Variants in KALRN observed in about 807,000 individuals in gnomAD.
The protein encoded by KALRN is kalirin.
KALRN carries 70 observed loss-of-function variants against 353.7 expected under a neutral mutation model. The ratio of observed to expected loss-of-function variants is 0.20; its 90% CI spans 0.16 to 0.24. The LOEUF (loss-of-function observed/expected upper bound fraction) is 0.24. Ranked by LOEUF, KALRN falls within the 10% of genes least tolerant of loss-of-function variation. KALRN has a pLI of 1.00. For missense variants in KALRN, 2,791 were observed against 3,756.7 expected (o/e 0.74, Z 6.72); for synonymous variants, 1,391 against 1,434.8 (o/e 0.97, Z 0.69).
intron 33 of KALRN, among the ~76,000 whole-genome samples, chr3:124,502,762 C>T (rs576128541): frequency 6.6e-6 from 1 of 152,244 alleles, no homozygotes; most frequent in African/African-American, 2.4e-5. Context: ...CAACATGCCC[C>T]CTAGAGTTTC....
chr3:124,568,207 C>A (rs1189817541), intron 34 of KALRN, among the ~76,000 whole-genome samples: 1 of 152,200 alleles, frequency 6.6e-6, no homozygotes, highest in South Asian at 2.1e-4. Flanking sequence ...ACAGAAATTT[C>A]TCCAAAGAAG....
intron 37 of KALRN, among the ~76,000 whole-genome samples, chr3:124,637,596 TTCAG>T (rs1170114361): frequency 6.6e-6 from 1 of 152,186 alleles, no homozygotes; most frequent in Admixed American, 6.5e-5. Flanking sequence ...GCAAGTGGCA[TTCAG>T]TCAGTGATTG....
intron 25 of KALRN, among the ~76,000 whole-genome samples, chr3:124,472,575 A>ACGTGTG (rs767434172): frequency 1.3e-5 from 2 of 148,618 alleles, no homozygotes; most frequent in Non-Finnish European, 3.0e-5. Flanking sequence ...GTGTGTGTAT[A>ACGTGTG]TGTGTGTGTG....
intron 1 of KALRN, among the ~76,000 whole-genome samples, chr3:124,143,529 G>A (rs1292012724): frequency 1.3e-5 from 2 of 152,138 alleles, no homozygotes; most frequent in Non-Finnish European, 2.9e-5. Flanking sequence ...CCCTGGGTGG[G>A]TCCCTTAACT....
chr3:124,269,466 C>G (rs970164524), intron 5 of KALRN, among the ~76,000 whole-genome samples: 5 of 152,196 alleles, frequency 3.3e-5, no homozygotes, highest in African/African-American at 1.2e-4. Flanking sequence ...TAAATTTACT[C>G]ATTTTAATCC....
chr3:124,091,159 T>C (rs1188334572), intron 1 of KALRN, among the ~76,000 whole-genome samples: 1 of 152,212 alleles, frequency 6.6e-6, no homozygotes, highest in African/African-American at 2.4e-5. Context: ...GAGGATGCTG[T>C]CTGCTGGAGT....
intron 1 of KALRN, among the ~76,000 whole-genome samples, chr3:124,056,662 A>G (rs1368766481): frequency 6.6e-6 from 1 of 152,198 alleles, no homozygotes; most frequent in Non-Finnish European, 1.5e-5. Flanking sequence ...GTTCTCAGAC[A>G]TGACACACAA....
intron 1 of KALRN, among the ~76,000 whole-genome samples, chr3:124,120,711 A>ATATATATATAT (rs2063898907): frequency 1.1e-3 from 112 of 98,862 alleles, no homozygotes; most frequent in African/African-American, 4.1e-3. Flanking sequence ...GAATACTAAA[A>ATATATATATAT]ATATATATAT....
chr3:124,285,808 T>C (rs1224418938), intron 5 of KALRN, among the ~76,000 whole-genome samples: 4 of 152,232 alleles, frequency 2.6e-5, no homozygotes, highest in African/African-American at 9.6e-5. Flanking sequence ...AGTGCTGGGA[T>C]TACAGGCGTG....
At position 124,507,814 on chromosome 3, in the gene KALRN, T is replaced by C. The variant is rs1016929495; in HGVS notation, c.4935+11401T>C. Reference sequence around the variant, plus strand: ...ACAAATGTGCCAGATGAGATACACATTTACCACCCAATATGTTACATTTAA... The same window carrying C: ...ACAAATGTGCCAGATGAGATACACACTTACCACCCAATATGTTACATTTAA... On this transcript the variant is annotated intron_variant, in intron 33 of 59. Coordinates refer to ENST00000682506, the MANE Select transcript of KALRN (RefSeq NM_001388419.1). Among the ~76,000 whole-genome samples, 6 of 152,328 alleles carry C rather than the reference T, an allele frequency of 3.9e-5. No homozygotes were observed. The South Asian group carries it at 1.2e-3, about 32-fold the overall frequency.
intron 6 of KALRN, among the ~76,000 whole-genome samples, chr3:124,303,434 C>T (rs1463803534): frequency 6.6e-6 from 1 of 152,094 alleles, no homozygotes; most frequent in African/African-American, 2.4e-5. Context: ...GTTGTGGAAG[C>T]CTTTTGCATA....
chr3:124,405,571 A>G (rs2091424784), intron 13 of KALRN, among the ~76,000 whole-genome samples: 1 of 152,176 alleles, frequency 6.6e-6, no homozygotes, highest in Non-Finnish European at 1.5e-5. Context: ...ACAAGTATAA[A>G]AAGGAATGAC....
intron 1 of KALRN, among the ~76,000 whole-genome samples, chr3:124,204,482 A>G (rs1218663248): frequency 6.6e-6 from 1 of 152,250 alleles, no homozygotes; most frequent in African/African-American, 2.4e-5. Flanking sequence ...ATGCAGGCTT[A>G]CTGCCTGTAA....
At chr3:124,368,147 C>A (rs1196019518) in intron 10 of KALRN, among the ~76,000 whole-genome samples, 1 of 87,976 alleles carries the variant, frequency 1.1e-5, no homozygotes, top group African/African-American at 4.7e-5. Context: ...GGGCTGACCC[C>A]CCCCACCTCC....
intron 1 of KALRN, among the ~76,000 whole-genome samples, chr3:124,196,485 G>T (rs955663603): frequency 1.3e-5 from 2 of 152,170 alleles, no homozygotes; most frequent in Admixed American, 1.3e-4. Context: ...TCATATCAAA[G>T]AAATTCCTCA....
chr3:124,038,809 T>C (rs1477423845), intron 1 of KALRN, among the ~76,000 whole-genome samples: 1 of 152,248 alleles, frequency 6.6e-6, no homozygotes, highest in Non-Finnish European at 1.5e-5. Context: ...TTCTTAATTC[T>C]ATAAGTGACA....
intron 10 of KALRN, among the ~76,000 whole-genome samples, chr3:124,348,409 A>G (rs370693133): frequency 6.6e-6 from 1 of 152,228 alleles, no homozygotes; most frequent in Non-Finnish European, 1.5e-5. Context: ...AAGCAAGAAC[A>G]GGAAAGTCAT....
intron 33 of KALRN, among the ~76,000 whole-genome samples, chr3:124,528,442 T>C (rs745872928): frequency 1.1e-4 from 17 of 152,212 alleles, no homozygotes; most frequent in Non-Finnish European, 2.2e-4. Flanking sequence ...GTAGCTTCCC[T>C]ATGTCCTCTC....
At chr3:124,429,984 C>G (rs180693062) in intron 15 of KALRN, among the ~76,000 whole-genome samples, 1 of 152,248 alleles carries the variant, frequency 6.6e-6, no homozygotes, top group East Asian at 1.9e-4. Flanking sequence ...CAGGTGTGAC[C>G]TGGGTATTCT....
Sources: gnomAD v4.1 joint callset for allele counts (sites outside exome capture counted in the v4.1 genomes callset) on GRCh38, gnomAD v4.1.1 for gene constraint, MANE v1.5 for transcripts, NCBI Gene and HGNC (gene_info 2026-07-23, HGNC 2026-07-21) for gene names.